TRIM10: variants seen among roughly 807,000 people sequenced by gnomAD.
TRIM10 encodes tripartite motif-containing protein 10.
In TRIM10, 42 loss-of-function variants were observed where a neutral mutation model predicts 40.0. That is an observed-to-expected ratio of 1.05 (90% confidence interval 0.82 to 1.36). The LOEUF (loss-of-function observed/expected upper bound fraction) is 1.36. Among genes scored for constraint, TRIM10 ranks in the 40% most tolerant of loss-of-function variants. TRIM10 has a pLI of 0.00. For synonymous variants in TRIM10, 260 were observed against 239.5 expected (o/e 1.09, Z -0.79); for missense variants, 601 against 608.3 (o/e 0.99, Z 0.13).
At chr6:30,157,263 T>C in intron 4 of TRIM10, 106 bp downstream of exon 4, 1 of 1,245,158 alleles carries the variant, frequency 8.0e-7, no homozygotes, top group Non-Finnish European at 1.1e-6. Context: ...TGTAAATTTG[T>C]ATCCTTAAGT....
At chr6:30,155,154 C>G (rs1201571710) in intron 6 of TRIM10, among the ~76,000 whole-genome samples, 1 of 152,112 alleles carries the variant, frequency 6.6e-6, no homozygotes, top group Non-Finnish European at 1.5e-5. Flanking sequence ...GGTTAGAGAA[C>G]CCCCTCCAAC....
In TRIM10 at chr6:30,157,072, G is replaced by C. The variant is rs1276769840; in HGVS notation, c.780-18C>G. On this transcript the variant is annotated intron_variant, in intron 4 of 6. Coordinates refer to ENST00000449742, the MANE Select transcript of TRIM10 (RefSeq NM_006778.4). ...TTTCACATCTAGGGGCACAGAAATGGCTGGGTCTGGGAATTATCATCCTTA... is the reference window on the plus strand; with the variant it reads ...TTTCACATCTAGGGGCACAGAAATGCCTGGGTCTGGGAATTATCATCCTTA... 2.5e-6 allele frequency: 4 copies of C among 1,608,808 alleles called. No individual in the cohort carries two copies. Among genetic ancestry groups the C allele is most frequent in the South Asian group, 2.2e-5 (2 of 90,852 alleles).
chr6:30,153,925 G>A lies in TRIM10; in HGVS notation c.*44C>T. The A allele has an allele frequency of 6.3e-7, 1 of 1,578,478 alleles. No homozygotes were observed. Among genetic ancestry groups the A allele is most frequent in the Admixed American group, 1.7e-5 (1 of 57,900 alleles). On this transcript the variant is annotated 3_prime_UTR_variant, in exon 7 of 7. Coordinates refer to ENST00000449742, the MANE Select transcript of TRIM10 (RefSeq NM_006778.4). Reference sequence around the variant, plus strand: ...ATCAAGTCCACATGGTACTTGGGTTGATATGAGTCCTGTACTTAGAGGAGA... The same window carrying A: ...ATCAAGTCCACATGGTACTTGGGTTAATATGAGTCCTGTACTTAGAGGAGA...
chr6:30,155,649 C>T, intron 6 of TRIM10, 78 bp downstream of exon 6: 3 of 1,337,000 alleles, frequency 2.2e-6, no homozygotes, highest in Non-Finnish European at 3.2e-6. Flanking sequence ...ATAACATAGT[C>T]ATAGTGCAAA....
chr6:30,158,441 T>C lies in TRIM10; in HGVS notation c.714A>G (p.Glu238=), dbSNP rs750667956. Residue 238 remains glutamate, a synonymous_variant, in exon 3 of 7, where the codon GAA becomes GAG. Transcript: ENST00000449742. ...CTGGCCTCTCATTCTTCTCCTCCAG[T>C]TCTTCAATAAGAGCACTAAACCGGC... ...EICRFSALIE[E]LEEKNERPAR... is the part of the protein sequence containing the mutation. The C allele has an allele frequency of 1.9e-6, 3 of 1,613,084 alleles. No individual in the cohort carries two copies. Among genetic ancestry groups the C allele is most frequent in the Non-Finnish European group, 2.5e-6 (3 of 1,180,022 alleles).
At chr6:30,154,678 C>T in intron 6 of TRIM10, 192 bp from the exon 7 acceptor site, 2 of 748,970 alleles carry the variant, frequency 2.7e-6, no homozygotes, top group Non-Finnish European at 4.7e-6. Context: ...TGCATCCTAA[C>T]AAGATGCCCA....
intron 6 of TRIM10, 68 bp downstream of exon 6, chr6:30,155,659 A>G: frequency 6.5e-7 from 1 of 1,531,186 alleles, no homozygotes. Context: ...CATAGTGCAA[A>G]TCCTGCAAAA....
intron 2 of TRIM10, 33 bp from the exon 3 acceptor site, chr6:30,158,662 T>C (rs1772800932): frequency 6.3e-7 from 1 of 1,579,194 alleles, no homozygotes; most frequent in African/African-American, 1.3e-5. Context: ...CAAGAGAAAG[T>C]TTGCTTCCTC....
rs754730380 is a variant in TRIM10 at position 30,158,447 on chromosome 6, A to G, written c.708T>C (p.Ile236=). Residue 236 remains isoleucine (I), a synonymous_variant, in exon 3 of 7, where the codon ATT becomes ATC. Transcript: ENST00000449742. ...AGEICRFSAL[I]EELEEKNERP... Reference sequence around the variant, plus strand: ...TCTCATTCTTCTCCTCCAGTTCTTCAATAAGAGCACTAAACCGGCAGATCT... The same window carrying G: ...TCTCATTCTTCTCCTCCAGTTCTTCGATAAGAGCACTAAACCGGCAGATCT... 1.9e-5 allele frequency: 30 copies of G among 1,612,972 alleles called. No individual in the cohort carries two copies. The highest frequency in any genetic ancestry group is 2.5e-5 in the Non-Finnish European group (30 of 1,180,046).
chr6:30,154,861 T>A (rs1772379241), intron 6 of TRIM10, among the ~76,000 whole-genome samples: 1 of 152,098 alleles, frequency 6.6e-6, no homozygotes, highest in Non-Finnish European at 1.5e-5. Flanking sequence ...CATTCTCCCC[T>A]CCTCCCATCT....
chr6:30,155,453 T>C (rs1772443471), intron 6 of TRIM10, among the ~76,000 whole-genome samples: 1 of 152,210 alleles, frequency 6.6e-6, no homozygotes, highest in Non-Finnish European at 1.5e-5. Context: ...ATACCACGAA[T>C]GTAGTATGTG....
upstream of TRIM10, chr6:30,163,513 A>G: frequency 1.2e-6 from 1 of 827,080 alleles, no homozygotes; most frequent in Non-Finnish European, 1.8e-6. Flanking sequence ...AGGCGGAGCC[A>G]GGTGGCTTCC....
chr6:30,157,887 T>C (rs1270829385), intron 3 of TRIM10, among the ~76,000 whole-genome samples: 1 of 152,136 alleles, frequency 6.6e-6, no homozygotes, highest in East Asian at 1.9e-4. Context: ...CCCTGCTCAC[T>C]GGAGGCAAAG....
upstream of TRIM10, chr6:30,163,420 G>T (rs1460311224): frequency 5.4e-6 from 3 of 556,218 alleles, no homozygotes; most frequent in Non-Finnish European, 9.4e-6. Context: ...GCCGCCACTG[G>T]GAAATTCTGG....
chr6:30,155,853 G>A, intron 5 of TRIM10, 94 bp from the exon 6 acceptor site: 12 of 1,214,578 alleles, frequency 9.9e-6, no homozygotes, highest in Non-Finnish European at 1.4e-5. Context: ...AAGAGGGAAG[G>A]GACAAGAAGA....
Position 30,160,641 on chromosome 6 carries a change from C to A in TRIM10, c.218G>T (p.Trp73Leu), listed in dbSNP as rs767882165. The change falls in exon 1 of 7, where the codon TGG (tryptophan) becomes TTG (leucine). Residue 73 changes from tryptophan to leucine, a missense_variant. Coordinates refer to ENST00000449742, the MANE Select transcript of TRIM10 (RefSeq NM_006778.4). The part of the protein sequence containing the change: ...PFRPGSFRPN[W>L]QLANVVENIE... ...GTTCTCCACCACGTTAGCCAGCTGCCAGTTGGGCCGGAAGCTCCCAGGACG... is the reference window on the plus strand; with the variant it reads ...GTTCTCCACCACGTTAGCCAGCTGCAAGTTGGGCCGGAAGCTCCCAGGACG... 6.2e-7 allele frequency: 1 copy of A among 1,614,240 alleles called. No individual in the cohort carries two copies. The highest frequency in any genetic ancestry group is 1.1e-5 in the South Asian group (1 of 91,090).
At position 30,153,613 on chromosome 6, in the gene TRIM10, T is replaced by C. The variant is rs1207892025; in HGVS notation, c.*356A>G. ...CAAGATGAAAAGAGGTGAGATGCCT[T>C]GTTTAAAGTCATACAACTGGTTGAC... On this transcript the variant is annotated 3_prime_UTR_variant, in exon 7 of 7. Coordinates refer to ENST00000449742, the MANE Select transcript of TRIM10 (RefSeq NM_006778.4). 6.4e-6 allele frequency: 8 copies of C among 1,256,476 alleles called. No homozygotes were observed. Among genetic ancestry groups the C allele is most frequent in the Non-Finnish European group, 8.0e-6 (7 of 878,030 alleles). The allele number at this position is 1,256,476 out of a possible 1,614,324, so 77.8% of individuals were successfully genotyped here.
In TRIM10 at chr6:30,154,544, G is replaced by A. The variant is rs963000450; in HGVS notation, c.929-58C>T. ...CAGACATGCTATTACCTCCAAGGAA[G>A]GCATAGAAACTCCCCCTGGGCCCCT... On this transcript the variant is annotated intron_variant, in intron 6 of 6. Transcript: ENST00000449742. The A allele has an allele frequency of 5.0e-6, 8 of 1,589,480 alleles. 1 individual carries two copies. The highest frequency in any genetic ancestry group is 2.7e-5 in the African/African-American group (2 of 74,672).
At chr6:30,158,261 G>A in intron 3 of TRIM10, 138 bp downstream of exon 3, 1 of 751,698 alleles carries the variant, frequency 1.3e-6, no homozygotes, top group Admixed American at 2.2e-5. Context: ...AACTAGAATT[G>A]AGACTTTCTG....
Sources: allele counts gnomAD v4.1 joint callset (sites outside exome capture counted in the v4.1 genomes callset), GRCh38; gene constraint gnomAD v4.1.1; transcripts MANE v1.5; gene names NCBI Gene and HGNC (gene_info 2026-07-23, HGNC 2026-07-21).